ARID4B: variants seen among roughly 807,000 people sequenced by gnomAD.
The protein encoded by ARID4B is AT-rich interactive domain-containing protein 4B.
ARID4B carries 26 observed loss-of-function variants against 147.5 expected under a neutral mutation model. The ratio of observed to expected loss-of-function variants is 0.18; its 90% CI spans 0.13 to 0.24. The LOEUF is 0.24. Ranked by LOEUF, ARID4B falls within the 10% of genes least tolerant of loss-of-function variation. The pLI, the probability that ARID4B is intolerant of heterozygous loss-of-function variation, is 1.00. For synonymous variants in ARID4B, 512 were observed against 507.9 expected (o/e 1.01, Z -0.11); for missense variants, 1,179 against 1,511.5 (o/e 0.78, Z 3.65).
At chr1:235,284,980 T>C (rs1375351222) in intron 2 of ARID4B, among the ~76,000 whole-genome samples, 1 of 152,156 alleles carries the variant, frequency 6.6e-6, no homozygotes, top group Admixed American at 6.5e-5. Flanking sequence ...CTTGGCTCAC[T>C]GCAACCTCCA....
chr1:235,265,807 C>T (rs763802706), intron 2 of ARID4B, among the ~76,000 whole-genome samples: 3 of 152,122 alleles, frequency 2.0e-5, no homozygotes, highest in Non-Finnish European at 2.9e-5. Context: ...TAGCTAAGTG[C>T]CTCAGCATAC....
At chr1:235,176,437 C>CA (rs34808765) in intron 21 of ARID4B, among the ~76,000 whole-genome samples, 2,251 of 22,488 alleles carry the variant, frequency 0.1, 668 homozygotes, top group Non-Finnish European at 0.18. Context: ...ACAACATCAC[C>CA]AAAAAAAAAA....
chr1:235,243,435 T>C (rs913899840), intron 7 of ARID4B, among the ~76,000 whole-genome samples: 1 of 152,170 alleles, frequency 6.6e-6, no homozygotes, highest in Non-Finnish European at 1.5e-5. Context: ...GACATTGTTA[T>C]TTCTTTGGTG....
At chr1:235,236,286 C>T (rs1413121010) in intron 8 of ARID4B, among the ~76,000 whole-genome samples, 3 of 152,040 alleles carry the variant, frequency 2.0e-5, no homozygotes, top group African/African-American at 7.2e-5. Context: ...AGATAACATA[C>T]ATCAATAATT....
At chr1:235,313,856 TTC>T (rs1175001613) in intron 2 of ARID4B, among the ~76,000 whole-genome samples, 3 of 152,206 alleles carry the variant, frequency 2.0e-5, no homozygotes, top group Non-Finnish European at 4.4e-5. Context: ...CTACTAAACA[TTC>T]TGTTTTTAAG....
At position 235,186,029 on chromosome 1, in the gene ARID4B, G is replaced by A. The variant is rs151058241; in HGVS notation, c.2126-3236C>T. Among the ~76,000 whole-genome samples the A allele has an allele frequency of 2.6e-3, 395 of 151,632 alleles. 1 individual carries two copies. In the Middle Eastern group the frequency reaches 0.034, roughly 13 times the overall value. ...TCTGTCATCAGGTTGGAGTGCAGTG[G>A]TGCAATCTCAGTTCACTGCAACCTC... is the stretch of plus-strand genomic sequence containing the variant. On this transcript the variant is annotated intron_variant, in intron 19 of 23. Transcript: ENST00000264183.
intron 8 of ARID4B, among the ~76,000 whole-genome samples, chr1:235,236,539 G>A (rs1018694464): frequency 2.0e-5 from 3 of 148,970 alleles, no homozygotes; most frequent in Non-Finnish European, 4.5e-5. Flanking sequence ...TTTGAGATGG[G>A]GTCTTGCTCT....
At chr1:235,244,255 A>C (rs1187050244) in intron 7 of ARID4B, among the ~76,000 whole-genome samples, 1 of 152,190 alleles carries the variant, frequency 6.6e-6, no homozygotes, top group Non-Finnish European at 1.5e-5. Flanking sequence ...GAAGGGGAAA[A>C]ATATAACAGC....
chr1:235,238,751 G>T (rs943674933), intron 8 of ARID4B, among the ~76,000 whole-genome samples: 14 of 152,028 alleles, frequency 9.2e-5, no homozygotes, highest in African/African-American at 3.4e-4. Flanking sequence ...AGCTACTCAG[G>T]AGGCTGAGGT....
chr1:235,251,671 A>C (rs1294680859), intron 6 of ARID4B, among the ~76,000 whole-genome samples: 1 of 151,902 alleles, frequency 6.6e-6, no homozygotes, highest in African/African-American at 2.4e-5. Context: ...TAAAGTAATA[A>C]ATAATAACAA....
intron 6 of ARID4B, among the ~76,000 whole-genome samples, chr1:235,246,754 T>G (rs1478982470): frequency 6.6e-6 from 1 of 152,136 alleles, no homozygotes; most frequent in Non-Finnish European, 1.5e-5. Context: ...TCTAGATGAT[T>G]CATTACCTAT....
At chr1:235,298,725 A>G (rs1672927642) in intron 2 of ARID4B, among the ~76,000 whole-genome samples, 1 of 151,952 alleles carries the variant, frequency 6.6e-6, no homozygotes, top group Admixed American at 6.6e-5. Context: ...TTTATTTGAG[A>G]TCTTCATTTT....
intron 17 of ARID4B, among the ~76,000 whole-genome samples, chr1:235,197,123 C>CA (rs936811406): frequency 1.8e-3 from 262 of 141,822 alleles, no homozygotes; most frequent in Non-Finnish European, 2.7e-3. Flanking sequence ...TTGTTTAAAG[C>CA]AAAAAAAAAA....
intron 7 of ARID4B, among the ~76,000 whole-genome samples, chr1:235,241,007 C>T (rs750398361): frequency 1.3e-5 from 2 of 152,090 alleles, no homozygotes; most frequent in Non-Finnish European, 2.9e-5. Flanking sequence ...ATGCTAAAAA[C>T]TTTCAAAATT....
At chr1:235,249,413 T>C (rs967301334) in intron 6 of ARID4B, among the ~76,000 whole-genome samples, 1 of 152,168 alleles carries the variant, frequency 6.6e-6, no homozygotes, top group African/African-American at 2.4e-5. Flanking sequence ...TCTTTAGAAA[T>C]ACCTAAACTG....
chr1:235,311,214 A>T (rs1408634187), intron 2 of ARID4B, among the ~76,000 whole-genome samples: 1 of 151,772 alleles, frequency 6.6e-6, no homozygotes, highest in Non-Finnish European at 1.5e-5. Flanking sequence ...AAATCAACCT[A>T]TGGTGACCCA....
intron 21 of ARID4B, chr1:235,177,570 C>A: frequency 5.4e-6 from 2 of 372,242 alleles, no homozygotes; most frequent in Non-Finnish European, 9.6e-6. Context: ...TGGTTTGCTG[C>A]ACCCATCAAC....
chr1:235,296,844 A>G (rs1572180436), intron 2 of ARID4B, among the ~76,000 whole-genome samples: 2 of 16,820 alleles, frequency 1.2e-4, no homozygotes, highest in Non-Finnish European at 2.4e-4. Context: ...GAAGGGAGGA[A>G]GGAGGGAGGG....
intron 6 of ARID4B, among the ~76,000 whole-genome samples, chr1:235,249,121 CTAG>C (rs1207274956): frequency 5.3e-5 from 8 of 150,784 alleles, no homozygotes; most frequent in Middle Eastern, 7.1e-3. Context: ...TCACTTGAGG[CTAG>C]GAGTTCAAGA....
Sources: allele counts gnomAD v4.1 joint callset (sites outside exome capture counted in the v4.1 genomes callset), GRCh38; gene constraint gnomAD v4.1.1; transcripts MANE v1.5; gene names NCBI Gene and HGNC (gene_info 2026-07-23, HGNC 2026-07-21).